The following STAU2 variants were observed in gnomAD, a reference collection of about 807,000 sequenced individuals.
STAU2 encodes double-stranded RNA-binding protein Staufen homolog 2.
In STAU2, 20 loss-of-function variants were observed where a neutral mutation model predicts 65.9. That is an observed-to-expected ratio of 0.30 (90% CI 0.21 to 0.44). The LOEUF is 0.44. Ranked by LOEUF, STAU2 falls within the 20% of genes least tolerant of loss-of-function variation. The pLI is 1.00. For synonymous variants in STAU2, 232 were observed against 233.9 expected (o/e 0.99, Z 0.07); for missense variants, 558 against 683.9 (o/e 0.82, Z 2.05).
intron 13 of STAU2, among the ~76,000 whole-genome samples, chr8:73,450,738 C>T (rs868836229): frequency 6.6e-5 from 10 of 152,306 alleles, no homozygotes; most frequent in African/African-American, 1.7e-4. Context: ...TTATTTGAAA[C>T]CTAACAATGT....
At chr8:73,551,007 G>T in intron 13 of STAU2, 4 of 986,262 alleles carry the variant, frequency 4.1e-6, no homozygotes, top group Non-Finnish European at 4.8e-6. Context: ...ACAGTTTTTG[G>T]TCTTAAGGAA....
intron 13 of STAU2, among the ~76,000 whole-genome samples, chr8:73,500,627 T>C (rs181120975): frequency 6.6e-6 from 1 of 152,048 alleles, no homozygotes; most frequent in East Asian, 1.9e-4. Context: ...CTGCTAGTTA[T>C]ATTTTCGATT....
chr8:73,737,119 C>T (rs866737312), intron 3 of STAU2, among the ~76,000 whole-genome samples: 3 of 151,408 alleles, frequency 2.0e-5, no homozygotes, highest in South Asian at 2.1e-4. Context: ...TACCTGCCTT[C>T]GTCTCCCAAA....
At chr8:73,672,888 T>G in intron 6 of STAU2, 1 of 277,640 alleles carries the variant, frequency 3.6e-6, no homozygotes. Context: ...TCTTTTACGT[T>G]TGTGGGGTAG....
chr8:73,639,824 C>G (rs763995219), intron 6 of STAU2, among the ~76,000 whole-genome samples: 1 of 151,762 alleles, frequency 6.6e-6, no homozygotes, highest in Non-Finnish European at 1.5e-5. Flanking sequence ...TATTTGGAAA[C>G]GAAAATTTAA....
chr8:73,651,011 C>A (rs1435677180), intron 6 of STAU2, among the ~76,000 whole-genome samples: 1 of 152,216 alleles, frequency 6.6e-6, no homozygotes, highest in Non-Finnish European at 1.5e-5. Flanking sequence ...CCCTGCCCGG[C>A]CATGCGTCCC....
upstream of STAU2, chr8:73,747,283 G>A (rs1586408714): frequency 1.5e-6 from 2 of 1,371,654 alleles, no homozygotes; most frequent in East Asian, 5.3e-5. Context: ...GGGTGGGCCT[G>A]GGGCAGCCCC....
chr8:73,724,249 A>C (rs1456565717), intron 3 of STAU2, among the ~76,000 whole-genome samples: 3 of 152,152 alleles, frequency 2.0e-5, no homozygotes, highest in Non-Finnish European at 4.4e-5. Context: ...TTTTTGGAGA[A>C]GAGGGGTAGG....
chr8:73,536,677 G>A (rs970841237), intron 13 of STAU2, among the ~76,000 whole-genome samples: 6 of 152,116 alleles, frequency 3.9e-5, no homozygotes, highest in African/African-American at 9.7e-5. Context: ...CCAGGGTGGT[G>A]TCAATAGAGG....
chr8:73,593,485 CATTTTA>C (rs944229600), intron 11 of STAU2, among the ~76,000 whole-genome samples: 37 of 152,276 alleles, frequency 2.4e-4, no homozygotes, highest in African/African-American at 8.7e-4. Context: ...TAAAATCAGT[CATTTTA>C]AGTGTCTGGC....
chr8:73,608,404 C>T (rs1028339214), intron 9 of STAU2, among the ~76,000 whole-genome samples: 1 of 151,642 alleles, frequency 6.6e-6, no homozygotes, highest in Non-Finnish European at 1.5e-5. Flanking sequence ...GTCAGGAGTT[C>T]GAGACCAGCC....
intron 6 of STAU2, among the ~76,000 whole-genome samples, chr8:73,663,980 T>C (rs948106853): frequency 2.6e-5 from 4 of 152,240 alleles, no homozygotes; most frequent in South Asian, 2.1e-4. Flanking sequence ...GATAGTTTTA[T>C]ATCTCCTATT....
At chr8:73,483,642 T>C (rs1820758473) in intron 13 of STAU2, among the ~76,000 whole-genome samples, 1 of 152,138 alleles carries the variant, frequency 6.6e-6, no homozygotes. Flanking sequence ...TCAGCATATA[T>C]TACAACATTA....
chr8:73,616,318 T>C (rs981789151), intron 7 of STAU2, among the ~76,000 whole-genome samples: 7 of 152,188 alleles, frequency 4.6e-5, no homozygotes, highest in Non-Finnish European at 8.8e-5. Flanking sequence ...ACAGTATTCC[T>C]TGCTGTCAAG....
At chr8:73,490,523 C>A (rs1821106005) in intron 13 of STAU2, among the ~76,000 whole-genome samples, 1 of 151,988 alleles carries the variant, frequency 6.6e-6, no homozygotes, top group South Asian at 2.1e-4. Flanking sequence ...GGACTTAGCT[C>A]AATCCATGTT....
intron 13 of STAU2, among the ~76,000 whole-genome samples, chr8:73,520,716 C>A (rs1484329716): frequency 6.6e-6 from 1 of 152,198 alleles, no homozygotes; most frequent in Non-Finnish European, 1.5e-5. Flanking sequence ...GGTTATACTG[C>A]ACACAACACA....
At chr8:73,744,461 G>A (rs1304156585) in intron 1 of STAU2, among the ~76,000 whole-genome samples, 2 of 123,626 alleles carry the variant, frequency 1.6e-5, no homozygotes, top group Non-Finnish European at 3.5e-5. Context: ...ATAATAATAG[G>A]AATAAAGAGA....
chr8:73,739,995 T>C (rs1026420824), intron 1 of STAU2, 127 bp from the exon 2 acceptor site: 6 of 587,020 alleles, frequency 1.0e-5, no homozygotes, highest in Non-Finnish European at 1.8e-5. Context: ...GTGGTGCCCT[T>C]TGGAGAGGCC....
intron 10 of STAU2, among the ~76,000 whole-genome samples, chr8:73,600,783 T>C (rs903741353): frequency 3.3e-5 from 5 of 152,214 alleles, no homozygotes; most frequent in Non-Finnish European, 7.3e-5. Flanking sequence ...CCTTCAAGAC[T>C]TACTTCTTCT....
Sources: allele counts gnomAD v4.1 joint callset (sites outside exome capture counted in the v4.1 genomes callset), GRCh38; gene constraint gnomAD v4.1.1; transcripts MANE v1.5; gene names NCBI Gene and HGNC (gene_info 2026-07-23, HGNC 2026-07-21).